The following KIFBP variants were observed in gnomAD, a reference collection of about 807,000 sequenced individuals.
KIFBP encodes the protein KIF-binding protein.
In KIFBP, 46 loss-of-function variants were observed where a neutral mutation model predicts 58.9. The ratio of observed to expected loss-of-function variants is 0.78; its 90% CI spans 0.62 to 1.00. KIFBP has a LOEUF of 1.00. Ranked by LOEUF, KIFBP falls within the 50% of genes least tolerant of loss-of-function variation. The pLI is 0.00. For synonymous variants in KIFBP, 241 were observed against 283.4 expected (o/e 0.85, Z 1.50); for missense variants, 651 against 752.9 (o/e 0.86, Z 1.58).
Position 69,005,653 on chromosome 10 carries a change from A to C in KIFBP, c.606-79A>C. 2 of 1,131,004 alleles carry C rather than the reference A, an allele frequency of 1.8e-6. 1 individual carries two copies. The allele number at this position is 1,131,004 out of a possible 1,614,324, so 70.1% of individuals were successfully genotyped here. On this transcript the variant is annotated intron_variant, in intron 3 of 6. Coordinates refer to ENST00000361983, the MANE Select transcript of KIFBP (RefSeq NM_015634.4). ...GTGCCACTGTACTCCAGCCTGGGCAACAGAGCGAGACTCTGTCTCAGGAAA... is the reference window on the plus strand; with the variant it reads ...GTGCCACTGTACTCCAGCCTGGGCACCAGAGCGAGACTCTGTCTCAGGAAA...
At chr10:69,007,187 G>A (rs903380097) in intron 4 of KIFBP, among the ~76,000 whole-genome samples, 3 of 152,190 alleles carry the variant, frequency 2.0e-5, no homozygotes, top group African/African-American at 4.8e-5. Flanking sequence ...ATTTAAAGTT[G>A]TTAAGCATTA....
rs370845682 is a variant in KIFBP, at chr10:69,010,885, A to G, written c.875-15A>G. ...TTGTGACCATTAACTTAAACAAATC[A>G]CATGTATATTTTAGCTCCTGAAGCT... On this transcript the variant is annotated splice_polypyrimidine_tract_variant and intron_variant, in intron 5 of 6. Coordinates refer to ENST00000361983, the MANE Select transcript of KIFBP (RefSeq NM_015634.4). 7.2e-6 allele frequency: 11 copies of G among 1,536,564 alleles called. No homozygotes were observed. The African/African-American group carries it at 1.2e-4, about 17-fold the overall frequency.
Position 68,991,263 on chromosome 10 carries a change from C to T in KIFBP, c.426+2005C>T, listed in dbSNP as rs140360324. 139 of 170,614 alleles carry T rather than the reference C, an allele frequency of 8.1e-4. 5 individuals are homozygous for T. In the East Asian group the frequency reaches 0.024, roughly 29 times the overall value. 10.6% of individuals were successfully genotyped at this position (170,614 alleles called of 1,614,324 possible). A position where few individuals can be genotyped will look rare whatever the true frequency, so the allele number is the denominator to read the frequency against. On this transcript the variant is annotated intron_variant, in intron 1 of 6. Transcript: ENST00000361983. ...GGGCCTCTGAGACCTTCTAACAGTA[C>T]TTTGGTGGATGACATGGAGTCATCT...
chr10:69,012,455 A>C (rs2256999), intron 6 of KIFBP, among the ~76,000 whole-genome samples: 80,977 of 151,870 alleles, frequency 0.53, 22,086 homozygotes, highest in African/African-American at 0.63. Flanking sequence ...ACATAGGAAG[A>C]TTTCCTGGGG....
rs117104402 is a variant in KIFBP, at chr10:68,991,044, G to A, written c.426+1786G>A. ...CTAGCACTTTGGGAGGCTGGGATGA[G>A]ATGATCACTCGAGCTTAGGAGTTCA... On this transcript the variant is annotated intron_variant, in intron 1 of 6. Coordinates refer to ENST00000361983, the MANE Select transcript of KIFBP (RefSeq NM_015634.4). The A allele has an allele frequency of 4.2e-3, 643 of 152,314 alleles. 3 individuals carry two copies. Among genetic ancestry groups the A allele is most frequent in the Non-Finnish European group, 7.5e-3 (513 of 68,054 alleles). 9.4% of individuals were successfully genotyped at this position (152,314 alleles called of 1,614,324 possible).
In KIFBP at chr10:69,010,929, C is replaced by G. The variant is rs1843583157; in HGVS notation, c.904C>G (p.Leu302Val). Residue 302 changes from leucine to valine, a missense_variant, in exon 6 of 7, where the codon CTT becomes GTT. Transcript: ENST00000361983. The stretch of plus-strand genomic sequence containing the variant: ...TGAAGCTGAAGGAGAAGTGCCAGAG[C>G]TTTATCATCAAAGAAAGGGGGAAAT... ...TPEAEGEVPELYHQRKGEIAR... is the reference protein window; with the variant it reads ...TPEAEGEVPEVYHQRKGEIAR... 6 of 1,613,806 alleles carry G rather than the reference C, an allele frequency of 3.7e-6. No homozygotes were observed. The highest frequency in any genetic ancestry group is 5.1e-6 in the Non-Finnish European group (6 of 1,179,860).
At chr10:69,007,599 T>C (rs1843548857) in intron 4 of KIFBP, 1 of 152,250 alleles carries the variant, frequency 6.6e-6, no homozygotes, top group Admixed American at 6.5e-5. Flanking sequence ...CTTTTGGCTT[T>C]TAAGATTTAA....
intron 4 of KIFBP, chr10:69,007,514 C>G (rs921024264): frequency 6.6e-6 from 1 of 152,108 alleles, no homozygotes; most frequent in African/African-American, 2.4e-5. Flanking sequence ...CTGGACAAAG[C>G]TGAAATGACG....
At chr10:69,007,946 G>C (rs1477988482) in intron 4 of KIFBP, among the ~76,000 whole-genome samples, 2 of 152,190 alleles carry the variant, frequency 1.3e-5, no homozygotes, top group Non-Finnish European at 2.9e-5. Context: ...AAGTCTTCAA[G>C]AGTGTTGGTA....
intron 6 of KIFBP, chr10:69,011,395 C>CTTT (rs10700812): frequency 0.062 from 8,030 of 129,798 alleles, 478 homozygotes; most frequent in African/African-American, 0.16. Context: ...ATATCATATT[C>CTTT]TTTTTTTTTT....
At chr10:68,995,975 T>C (rs1843398416) in intron 1 of KIFBP, among the ~76,000 whole-genome samples, 1 of 151,956 alleles carries the variant, frequency 6.6e-6, no homozygotes, top group Non-Finnish European at 1.5e-5. Context: ...CTGGCCAACA[T>C]GATGAAACCC....
chr10:69,013,260 A>C (rs1228388704), intron 6 of KIFBP, among the ~76,000 whole-genome samples: 2 of 152,206 alleles, frequency 1.3e-5, no homozygotes, highest in Non-Finnish European at 2.9e-5. Flanking sequence ...TGAAACTACT[A>C]AACGAAAGAA....
rs547582634 is a variant in KIFBP, at chr10:69,005,844, G to C, written c.718G>C (p.Glu240Gln). 3 of 1,614,148 alleles carry C rather than the reference G, an allele frequency of 1.9e-6. No homozygotes were observed. The South Asian group carries it at 3.3e-5, about 18-fold the overall frequency. Reference sequence around the variant, plus strand: ...CCATAGTACACTAAAACGCCAGCTTGAGCACAATGCCTACCATCCTATAGA... The same window carrying C: ...CCATAGTACACTAAAACGCCAGCTTCAGCACAATGCCTACCATCCTATAGA... ...YCHSTLKRQL[E>Q]HNAYHPIEWA... Residue 240 changes from glutamate to glutamine, a missense_variant, in exon 4 of 7, where the codon GAG (glutamate) becomes CAG (glutamine). Glu to Gln is a conservative substitution (Grantham distance 29, BLOSUM62 2). Transcript: ENST00000361983.
chr10:69,008,803 G>A (rs1843563088), intron 4 of KIFBP, 38 bp from the exon 5 acceptor site: 1 of 1,444,666 alleles, frequency 6.9e-7, no homozygotes, highest in Non-Finnish European at 9.7e-7. Context: ...ATAAAGCTGT[G>A]TGATAGTTGC....
chr10:68,991,483 C>A, intron 1 of KIFBP: 2 of 394,446 alleles, frequency 5.1e-6, no homozygotes, highest in Middle Eastern at 1.0e-3. Context: ...ATGTCGATGT[C>A]TCCGAACTAA....
At chr10:69,006,145 T>C (rs1158555735) in intron 4 of KIFBP, among the ~76,000 whole-genome samples, 1 of 152,244 alleles carries the variant, frequency 6.6e-6, no homozygotes, top group African/African-American at 2.4e-5. Context: ...GTTTTACATG[T>C]TACCTAAGAC....
Position 69,015,892 on chromosome 10 carries a change from A to C in KIFBP, c.1342A>C (p.Lys448Gln). The C allele has an allele frequency of 2.5e-6, 4 of 1,614,198 alleles. No individual in the cohort carries two copies. The highest frequency in any genetic ancestry group is 3.4e-6 in the Non-Finnish European group (4 of 1,180,034). The change falls in exon 7 of 7, where the codon AAA becomes CAA. Residue 448 changes from lysine to glutamine, a missense_variant. Lys to Gln is a moderately conservative substitution (Grantham distance 53). Coordinates refer to ENST00000361983, the MANE Select transcript of KIFBP (RefSeq NM_015634.4). The part of the protein sequence containing the change: ...TDMERRCKMH[K>Q]RRIAMLEPLT... ...CATGGAGAGACGGTGCAAGATGCAT[A>C]AACGCAGAATAGCCATGCTAGAGCC...
chr10:69,008,391 A>AAAAAAAAATATATATATATATATATAT, intron 4 of KIFBP, among the ~76,000 whole-genome samples: 1 of 71,592 alleles, frequency 1.4e-5, no homozygotes, highest in African/African-American at 7.8e-5. Context: ...AAAAAAAAAA[A>AAAAAAAAATATATATATATATATATAT]ATATATATAT....
At chr10:68,994,735 C>G (rs970001159) in intron 1 of KIFBP, among the ~76,000 whole-genome samples, 2 of 152,002 alleles carry the variant, frequency 1.3e-5, no homozygotes, top group African/African-American at 4.8e-5. Context: ...TTTAAGGGTA[C>G]AGTTTGATGA....
Sources: gnomAD v4.1 joint callset for allele counts (sites outside exome capture counted in the v4.1 genomes callset) on GRCh38, gnomAD v4.1.1 for gene constraint, MANE v1.5 for transcripts, NCBI Gene and HGNC (gene_info 2026-07-23, HGNC 2026-07-21) for gene names.